RECK: variants seen among roughly 807,000 people sequenced by gnomAD.
RECK encodes reversion-inducing cysteine-rich protein with Kazal motifs.
RECK carries 69 observed loss-of-function variants against 115.1 expected under a neutral mutation model. The ratio of observed to expected loss-of-function variants is 0.60; its 90% CI spans 0.49 to 0.73. RECK has a LOEUF of 0.73. Ranked by LOEUF, RECK falls within the 30% of genes least tolerant of loss-of-function variation. RECK has a pLI of 0.00. For synonymous variants in RECK, 414 were observed against 419.7 expected (o/e 0.99, Z 0.17); for missense variants, 1,047 against 1,203.7 (o/e 0.87, Z 1.93).
chr9:36,037,491 GTTAC>G (rs1407930039), intron 1 of RECK, among the ~76,000 whole-genome samples: 11 of 151,842 alleles, frequency 7.2e-5, no homozygotes, highest in Non-Finnish European at 1.6e-4. Context: ...GTTAGTTATT[GTTAC>G]TTGTTACTTG....
At chr9:36,103,974 G>A (rs900205342) in intron 12 of RECK, among the ~76,000 whole-genome samples, 4 of 151,958 alleles carry the variant, frequency 2.6e-5, no homozygotes, top group African/African-American at 9.7e-5. Flanking sequence ...TGTGTAGAAG[G>A]AAACTATATC....
At chr9:36,081,115 C>G (rs1443429685) in intron 7 of RECK, among the ~76,000 whole-genome samples, 1 of 152,052 alleles carries the variant, frequency 6.6e-6, no homozygotes, top group Admixed American at 6.6e-5. Context: ...GAGTTGGTAG[C>G]TGATCCCGGG....
chr9:36,120,609 A>G (rs1807769790), intron 18 of RECK, 54 bp from the exon 19 acceptor site: 1 of 1,403,938 alleles, frequency 7.1e-7, no homozygotes, highest in Non-Finnish European at 1.0e-6. Context: ...TAAGGATTTT[A>G]AATTCTCTTT....
At chr9:36,043,057 G>A (rs558767435) in intron 1 of RECK, among the ~76,000 whole-genome samples, 157 of 109,294 alleles carry the variant, frequency 1.4e-3, no homozygotes, top group Middle Eastern at 0.021. Context: ...ACGGAGTCTC[G>A]CTCTGTTGCC....
intron 3 of RECK, among the ~76,000 whole-genome samples, chr9:36,059,255 G>T (rs1313377359): frequency 1.3e-5 from 2 of 151,818 alleles, no homozygotes; most frequent in Non-Finnish European, 2.9e-5. Context: ...TCAGGATTTC[G>T]AGACCAGCCT....
At chr9:36,076,783 T>C (rs996762482) in intron 6 of RECK, among the ~76,000 whole-genome samples, 1 of 152,174 alleles carries the variant, frequency 6.6e-6, no homozygotes, top group Non-Finnish European at 1.5e-5. Flanking sequence ...GTGACCTTTT[T>C]TGGTTACAAT....
At chr9:36,066,680 C>A in intron 6 of RECK, 2 of 512,984 alleles carry the variant, frequency 3.9e-6, no homozygotes, top group Non-Finnish European at 5.8e-6. Context: ...TTGAAATAAC[C>A]AGTTTTAGTT....
At chr9:36,112,166 AGGTTTTTCC>A in intron 15 of RECK, 130 bp from the exon 16 acceptor site, 1 of 595,952 alleles carries the variant, frequency 1.7e-6, no homozygotes, top group South Asian at 3.1e-5. Context: ...ATCGGAGAGA[AGGTTTTTCC>A]TGACTTAATT....
At chr9:36,119,091 A>G (rs1587101971) in intron 18 of RECK, 124 bp downstream of exon 18, 1 of 940,598 alleles carries the variant, frequency 1.1e-6, no homozygotes, top group Admixed American at 2.5e-5. Context: ...AGAGATTCTT[A>G]TGCTGATCAT....
intron 11 of RECK, among the ~76,000 whole-genome samples, chr9:36,100,901 A>C (rs113301173): frequency 3.3e-5 from 5 of 151,816 alleles, no homozygotes; most frequent in Non-Finnish European, 5.9e-5. Flanking sequence ...TTCTATTTTT[A>C]TATGTTAATT....
chr9:36,056,623 G>A (rs996075271), intron 2 of RECK, among the ~76,000 whole-genome samples: 1 of 152,016 alleles, frequency 6.6e-6, no homozygotes, highest in Admixed American at 6.6e-5. Flanking sequence ...AGACCTATAT[G>A]GTAGCCACTA....
intron 19 of RECK, 47 bp from the exon 20 acceptor site, chr9:36,121,486 A>G: frequency 1.3e-6 from 2 of 1,572,576 alleles, no homozygotes; most frequent in Non-Finnish European, 1.7e-6. Context: ...TTAGGCAGTC[A>G]TAGGAATTCT....
chr9:36,056,980 CA>C (rs1253154337), intron 2 of RECK: 3 of 985,152 alleles, frequency 3.0e-6, no homozygotes, highest in Admixed American at 6.2e-5. Flanking sequence ...CTGTCCATAG[CA>C]TTCATGGATT....
At chr9:36,047,809 CA>C (rs148573065) in intron 1 of RECK, among the ~76,000 whole-genome samples, 16,817 of 83,344 alleles carry the variant, frequency 0.2, 1,596 homozygotes, top group African/African-American at 0.37. Flanking sequence ...AAGCCAGTCT[CA>C]AAAAAAAAAA....
rs758824402 is a variant in RECK, at chr9:36,080,596, A to G, written c.406-9A>G. ...AATTTCTGTTTATTTGTTTTTCTTCAATTTACAGAATGCTCTTTTCAGTTG... is the reference window on the plus strand; with the variant it reads ...AATTTCTGTTTATTTGTTTTTCTTCGATTTACAGAATGCTCTTTTCAGTTG... On this transcript the variant is annotated splice_polypyrimidine_tract_variant and intron_variant, in intron 6 of 20. Coordinates refer to ENST00000377966, the MANE Select transcript of RECK (RefSeq NM_021111.3). 5 of 1,602,796 alleles carry G rather than the reference A, an allele frequency of 3.1e-6. No homozygotes were observed. The African/African-American group carries it at 5.4e-5, about 17-fold the overall frequency.
At chr9:36,120,604 A>G (rs1824424570) in intron 18 of RECK, 59 bp from the exon 19 acceptor site, 2 of 1,368,712 alleles carry the variant, frequency 1.5e-6, no homozygotes, top group Non-Finnish European at 2.1e-6. Context: ...TTCACTAAGG[A>G]TTTTAAATTC....
chr9:36,058,019 A>C (rs6476518), intron 2 of RECK, among the ~76,000 whole-genome samples: 90,325 of 147,734 alleles, frequency 0.61, 29,082 homozygotes, highest in East Asian at 0.82. Flanking sequence ...GCTGGAGAGG[A>C]TGTGGAGAAA....
intron 2 of RECK, among the ~76,000 whole-genome samples, chr9:36,058,578 A>C (rs2132576966): frequency 6.7e-6 from 1 of 148,264 alleles, no homozygotes; most frequent in African/African-American, 2.5e-5. Context: ...GGTGCAGCGC[A>C]CCAGCATGGC....
At position 36,117,451 on chromosome 9, in the gene RECK, C is replaced by A. The variant is rs1003901825; in HGVS notation, c.2253+274C>A. Among the ~76,000 whole-genome samples, 3 of 152,308 alleles carry A rather than the reference C, an allele frequency of 2.0e-5. No individual in the cohort carries two copies. In the South Asian group the frequency reaches 6.2e-4, roughly 32 times the overall value. Reference sequence around the variant, plus strand: ...TCCTAGGAAAAGAACTTAAAAGTTTCACAACCCTGGCATGGTCAACATCAT... The same window carrying A: ...TCCTAGGAAAAGAACTTAAAAGTTTAACAACCCTGGCATGGTCAACATCAT... On this transcript the variant is annotated intron_variant, in intron 17 of 20. Transcript: ENST00000377966.
Sources: gnomAD v4.1 joint callset for allele counts (sites outside exome capture counted in the v4.1 genomes callset) on GRCh38, gnomAD v4.1.1 for gene constraint, MANE v1.5 for transcripts, NCBI Gene and HGNC (gene_info 2026-07-23, HGNC 2026-07-21) for gene names.